Variants in COL6A1 observed in about 807,000 individuals in gnomAD.
COL6A1 encodes collagen type VI alpha 1 chain.
A neutral mutation model predicts 145.6 loss-of-function variants in COL6A1; 80 were observed. The observed-to-expected ratio is 0.55, with a 90% CI of 0.46 to 0.66. COL6A1 has a LOEUF of 0.66. Ranked by LOEUF, COL6A1 falls within the 30% of genes least tolerant of loss-of-function variation. COL6A1 has a pLI of 0.00. For synonymous variants in COL6A1, 638 were observed against 622.8 expected (o/e 1.02, Z -0.36); for missense variants, 1,364 against 1,473.8 (o/e 0.93, Z 1.22).
rs2077710322 is a variant in COL6A1, at chr21:45,982,068, C to A, written c.97+121C>A. The A allele has an allele frequency of 6.0e-6, 5 of 829,472 alleles. No individual in the cohort carries two copies. In the Admixed American group the frequency reaches 6.6e-5, roughly 11 times the overall value. The allele number at this position is 829,472 out of a possible 1,614,324, so 51.4% of individuals were successfully genotyped here. On this transcript the variant is annotated intron_variant, in intron 1 of 34. Coordinates refer to ENST00000361866, the MANE Select transcript of COL6A1 (RefSeq NM_001848.3). Reference sequence around the variant, plus strand: ...AGACTGGGGGCCTGGAGCCCCTGAACCCCACTCCCCGCTCGGGGCGGCTGC... The same window carrying A: ...AGACTGGGGGCCTGGAGCCCCTGAAACCCACTCCCCGCTCGGGGCGGCTGC...
At position 45,981,779 on chromosome 21, in the gene COL6A1, C is replaced by T. The variant is rs1483858880; in HGVS notation, c.-72C>T. The T allele has an allele frequency of 1.7e-6, 2 of 1,200,506 alleles. No individual in the cohort carries two copies. The highest frequency in any genetic ancestry group is 2.8e-5 in the East Asian group (1 of 36,094). 74.4% of individuals were successfully genotyped at this position (1,200,506 alleles called of 1,614,324 possible). A position where few individuals can be genotyped will look rare whatever the true frequency, so the allele number is the denominator to read the frequency against. On this transcript the variant is annotated 5_prime_UTR_variant, in exon 1 of 35. Transcript: ENST00000361866. ...CACTCTGGCTGGGAGCAGAAGGCAGCCTCGGTCTCTGGGCGGCGGCGGCGG... is the reference window on the plus strand; with the variant it reads ...CACTCTGGCTGGGAGCAGAAGGCAGTCTCGGTCTCTGGGCGGCGGCGGCGG...
In COL6A1 at chr21:45,989,734, C is replaced by T. The variant is rs377277629; in HGVS notation, c.904-18C>T. The stretch of plus-strand genomic sequence containing the variant: ...ACTAACAAGCCTTCCTCTTCCTCTT[C>T]TTCCGCTGGGTGTGTAGGGAGAAAA... On this transcript the variant is annotated intron_variant, in intron 10 of 34. Transcript: ENST00000361866. 43 of 1,613,094 alleles carry T rather than the reference C, an allele frequency of 2.7e-5. No homozygotes were observed. Among genetic ancestry groups the T allele is most frequent in the African/African-American group, 1.7e-4 (13 of 75,052 alleles).
chr21:46,001,617 T>C (rs1434403432), intron 30 of COL6A1, among the ~76,000 whole-genome samples: 2 of 152,192 alleles, frequency 1.3e-5, no homozygotes, highest in Non-Finnish European at 2.9e-5. Flanking sequence ...TCTCCCCCTC[T>C]CCTTGAAGGG....
chr21:45,999,246 C>CGG (rs2077824515), intron 26 of COL6A1, 28 bp downstream of exon 26: 2 of 1,569,378 alleles, frequency 1.3e-6, no homozygotes, highest in Admixed American at 3.7e-5. Flanking sequence ...GGTGAGGCCA[C>CGG]GGTGGGCTGT....
chr21:45,999,008 AGGGCT>A (rs1569518785), intron 25 of COL6A1, 49 bp downstream of exon 25: 1 of 1,548,918 alleles, frequency 6.5e-7, no homozygotes, highest in East Asian at 2.4e-5. Flanking sequence ...CCTGAGCCAG[AGGGCT>A]GGGCCCTTGA....
chr21:45,989,149 A>C lies in COL6A1; in HGVS notation c.858+12A>C. ...AAGCCGGAGATCCTGTGAGTGCCTGACTGTGGGGTGGGGGCCCTAAGAAGC... is the reference window on the plus strand; with the variant it reads ...AAGCCGGAGATCCTGTGAGTGCCTGCCTGTGGGGTGGGGGCCCTAAGAAGC... On this transcript the variant is annotated intron_variant, in intron 9 of 34. Transcript: ENST00000361866. The C allele has an allele frequency of 6.3e-7, 1 of 1,594,130 alleles. No individual in the cohort carries two copies. The highest frequency in any genetic ancestry group is 8.5e-7 in the Non-Finnish European group (1 of 1,172,918).
chr21:45,981,999 G>C (rs1242533202), intron 1 of COL6A1, 52 bp downstream of exon 1: 18 of 1,439,980 alleles, frequency 1.3e-5, no homozygotes, highest in Non-Finnish European at 1.5e-5. Flanking sequence ...TTTGCTGCCG[G>C]CCAGGGCCAG....
Position 45,989,734 on chromosome 21 carries a change from C to G in COL6A1, c.904-18C>G, listed in dbSNP as rs377277629. 8.1e-6 allele frequency: 13 copies of G among 1,612,976 alleles called. No individual in the cohort carries two copies. Among genetic ancestry groups the G allele is most frequent in the African/African-American group, 1.3e-5 (1 of 74,930 alleles). The stretch of plus-strand genomic sequence containing the variant: ...ACTAACAAGCCTTCCTCTTCCTCTT[C>G]TTCCGCTGGGTGTGTAGGGAGAAAA... On this transcript the variant is annotated intron_variant, in intron 10 of 34. Transcript: ENST00000361866.
intron 26 of COL6A1, 200 bp from the exon 27 acceptor site, chr21:45,999,457 A>T: frequency 1.3e-6 from 1 of 747,130 alleles, no homozygotes; most frequent in Non-Finnish European, 2.3e-6. Context: ...CCCACCTGGG[A>T]TGGCCGCCTG....
At chr21:46,000,220 A>G (rs2077835364) in intron 27 of COL6A1, 111 bp from the exon 28 acceptor site, 1 of 1,276,048 alleles carries the variant, frequency 7.8e-7, no homozygotes, top group Admixed American at 1.7e-5. Flanking sequence ...CTCCTGCCCA[A>G]ACCCCGCCCT....
In COL6A1 at chr21:46,004,412, C is replaced by T. The variant is rs2077869414; in HGVS notation, c.*399C>T. 2 of 349,764 alleles carry T rather than the reference C, an allele frequency of 5.7e-6. No homozygotes were observed. The highest frequency in any genetic ancestry group is 5.2e-5 in the South Asian group (2 of 38,422). The allele number at this position is 349,764 out of a possible 1,614,324, so 21.7% of individuals were successfully genotyped here. On this transcript the variant is annotated 3_prime_UTR_variant, in exon 35 of 35. Coordinates refer to ENST00000361866, the MANE Select transcript of COL6A1 (RefSeq NM_001848.3). ...TCCCTCCTGCCTGCGCAGCTCCTTCCCTAGGCACCTCTGTGCTGCATCCCA... is the reference window on the plus strand; with the variant it reads ...TCCCTCCTGCCTGCGCAGCTCCTTCTCTAGGCACCTCTGTGCTGCATCCCA...
intron 19 of COL6A1, among the ~76,000 whole-genome samples, chr21:45,993,280 C>A (rs1250329804): frequency 2.6e-5 from 4 of 152,118 alleles, no homozygotes; most frequent in African/African-American, 9.7e-5. Flanking sequence ...GTGGGCCTCG[C>A]TAGGCCACCC....
In COL6A1 at chr21:45,987,174, T is replaced by C. The variant is rs1340598394; in HGVS notation, c.737T>C (p.Val246Ala). The change falls in exon 6 of 35, where the codon GTG (valine) becomes GCG (alanine). Residue 246 changes from valine (V) to alanine (A), a missense_variant and splice_region_variant. Val to Ala is a moderately conservative substitution (Grantham distance 64). This residue lies in a region of COL6A1 where 414 missense variants were observed against 437.6 expected (regional missense o/e 0.95). Transcript: ENST00000361866. ...VDMIKNNVEQVCCSFECQPAR... is the reference protein window; with the variant it reads ...VDMIKNNVEQACCSFECQPAR... ...TTCCAGAAAAATAACGTGGAGCAAGTGGTAAGAGCCCTCCCCACCACCCCC... is the reference window on the plus strand; with the variant it reads ...TTCCAGAAAAATAACGTGGAGCAAGCGGTAAGAGCCCTCCCCACCACCCCC... The C allele has an allele frequency of 1.3e-6, 2 of 1,596,682 alleles. No homozygotes were observed. Among genetic ancestry groups the C allele is most frequent in the South Asian group, 1.1e-5 (1 of 89,838 alleles).
At position 46,004,261 on chromosome 21, in the gene COL6A1, C is replaced by T. The variant is rs888949592; in HGVS notation, c.*248C>T. ...CAGCCCTGAGCTAGTGTCACCTGCA[C>T]AGGGCCCTCTGAGGCTCAGCCCTGA... On this transcript the variant is annotated 3_prime_UTR_variant, in exon 35 of 35. Transcript: ENST00000361866. 1.7e-6 allele frequency: 1 copy of T among 584,142 alleles called. No homozygotes were observed. The highest frequency in any genetic ancestry group is 1.9e-5 in the African/African-American group (1 of 53,354). The allele number at this position is 584,142 out of a possible 1,614,324, so 36.2% of individuals were successfully genotyped here.
Position 45,984,285 on chromosome 21 carries a change from C to G in COL6A1, c.244C>G (p.Arg82Gly). Residue 82 changes from arginine (R) to glycine (G), a missense_variant, in exon 3 of 35, where the codon CGA becomes GGA. Around this residue, in one of 3 missense-constraint regions of COL6A1, gnomAD observed 414 missense variants for 437.6 expected, o/e 0.95. Coordinates refer to ENST00000361866, the MANE Select transcript of COL6A1 (RefSeq NM_001848.3). ...NLRDRYYRCD[R>G]NLVWNAGALH... ...TCCTGGCAGGTACTACCGCTGTGAC[C>G]GAAACCTGGTGTGGAACGCAGGCGC... The G allele has an allele frequency of 1.2e-6, 2 of 1,608,948 alleles. No individual in the cohort carries two copies. Among genetic ancestry groups the G allele is most frequent in the Non-Finnish European group, 1.7e-6 (2 of 1,178,270 alleles).
chr21:45,990,049 TTACCCTCTGCGGAGCCGGGGGTCCCCC>T (rs2077765587), intron 11 of COL6A1, among the ~76,000 whole-genome samples, 182 bp from the exon 12 acceptor site: 1 of 141,132 alleles, frequency 7.1e-6, no homozygotes, highest in African/African-American at 2.6e-5. Context: ...CCCCGGGCGG[TTACCCTCTGCGGAGCCGGGGGTCCCCC>T]GGGCGGTTAC....
At position 46,004,026 on chromosome 21, in the gene COL6A1, G is replaced by T. The variant is rs376729246; in HGVS notation, c.*13G>T. 1.2e-6 allele frequency: 2 copies of T among 1,612,838 alleles called. No individual in the cohort carries two copies. The highest frequency in any genetic ancestry group is 1.7e-6 in the Non-Finnish European group (2 of 1,179,992). On this transcript the variant is annotated 3_prime_UTR_variant, in exon 35 of 35. Transcript: ENST00000361866. ...GGCGCTGGGCTAGCCCACCCTGCAC[G>T]CCGGCACCAAACCCTGTCCTCCCAC...
chr21:45,999,405 G>A, intron 26 of COL6A1, 187 bp downstream of exon 26: 3 of 745,380 alleles, frequency 4.0e-6, no homozygotes, highest in South Asian at 1.7e-5. Context: ...GGCCAGGGCA[G>A]CAGAGCCGAG....
intron 3 of COL6A1, 37 bp downstream of exon 3, chr21:45,984,506 C>G: frequency 6.3e-7 from 1 of 1,594,420 alleles, no homozygotes; most frequent in Non-Finnish European, 8.5e-7. Context: ...CGCCAGTTCT[C>G]ACGCGTGGTA....
Sources: gnomAD v4.1 joint callset for allele counts (sites outside exome capture counted in the v4.1 genomes callset) on GRCh38, gnomAD v4.1.1 for gene constraint, gnomAD v4.1.1 regional missense constraint, MANE v1.5 for transcripts, NCBI Gene and HGNC (gene_info 2026-07-23, HGNC 2026-07-21) for gene names.